Variants in TLCD1 observed in about 807,000 individuals in gnomAD.
TLCD1 encodes TLC domain containing 1.
Under a neutral mutation model 21.2 loss-of-function variants are expected in TLCD1, and 21 were observed. The observed-to-expected ratio is 0.99, with a 90% confidence interval of 0.70 to 1.42. The LOEUF is 1.42. Ranked by LOEUF, TLCD1 falls within the 40% of genes most tolerant of loss-of-function variation. TLCD1 has a pLI of 0.00. For missense variants in TLCD1, 344 were observed against 330.3 expected, an observed-to-expected ratio of 1.04 and a Z score of -0.32; for synonymous variants, 168 against 134.8, an observed-to-expected ratio of 1.25 and a Z score of -1.71.
chr17:28,726,281 C>T, upstream of TLCD1: 1 of 1,187,746 alleles, frequency 8.4e-7, no homozygotes, highest in African/African-American at 1.6e-5. Context: ...TGCCCCCGCC[C>T]CCAGCCGCCC....
chr17:28,726,347 G>C, upstream of TLCD1: 1 of 726,212 alleles, frequency 1.4e-6, no homozygotes, highest in Non-Finnish European at 1.7e-6. Context: ...CGCCCCTCAG[G>C]CGCTGCTGCC....
chr17:28,724,501 C>T lies in TLCD1; in HGVS notation c.*9G>A, dbSNP rs769162239. On this transcript the variant is annotated 3_prime_UTR_variant, in exon 4 of 4. Transcript: ENST00000292090. ...TTGTCCGTTTTTGTTGTCCCAGGCT[C>T]TGTGCCCCTCACTCAGTCAAGAACT... The T allele has an allele frequency of 2.4e-5, 38 of 1,611,196 alleles. No homozygotes were observed. Among genetic ancestry groups the T allele is most frequent in the Non-Finnish European group, 5.9e-6 (7 of 1,177,842 alleles).
chr17:28,724,458 A>G lies in TLCD1; in HGVS notation c.*52T>C, dbSNP rs2151726204. ...CTTGGGGCTAAGTCCCAGTGTCCATATGAAGCTGTTTCTGGCCTTGTCCGT... is the reference window on the plus strand; with the variant it reads ...CTTGGGGCTAAGTCCCAGTGTCCATGTGAAGCTGTTTCTGGCCTTGTCCGT... On this transcript the variant is annotated 3_prime_UTR_variant, in exon 4 of 4. Coordinates refer to ENST00000292090, the MANE Select transcript of TLCD1 (RefSeq NM_138463.4). 6.3e-7 allele frequency: 1 copy of G among 1,583,420 alleles called. No homozygotes were observed. Among genetic ancestry groups the G allele is most frequent in the Non-Finnish European group, 8.6e-7 (1 of 1,164,102 alleles).
intron 3 of TLCD1, among the ~76,000 whole-genome samples, chr17:28,725,102 C>G (rs2034195806): frequency 6.6e-6 from 1 of 152,110 alleles, no homozygotes; most frequent in South Asian, 2.1e-4. Flanking sequence ...GATGTTCAGT[C>G]TAAAGAGGCA....
At chr17:28,725,593 T>G in intron 1 of TLCD1, 30 bp from the exon 2 acceptor site, 1 of 1,609,138 alleles carries the variant, frequency 6.2e-7, no homozygotes, top group Non-Finnish European at 8.5e-7. Context: ...AGGCTCTGCA[T>G]TTCGGCACCC....
In TLCD1 at chr17:28,725,309, C is replaced by G; in HGVS notation, c.355G>C (p.Val119Leu). The change falls in exon 3 of 4, where the codon GTC becomes CTC. Residue 119 changes from valine (V) to leucine (L), a missense_variant. Coordinates refer to ENST00000292090, the MANE Select transcript of TLCD1 (RefSeq NM_138463.4). ...ATAGTCTGCTTCTCTCTTACCATGA[C>G]GTGATGGACAAGGTATTCCCAAGAG... Reference protein sequence around the residue: ...RASWEYLVHHVMAMGAFFSGI... With the variant: ...RASWEYLVHHLMAMGAFFSGI... The G allele has an allele frequency of 6.2e-7, 1 of 1,614,074 alleles. No homozygotes were observed. Among genetic ancestry groups the G allele is most frequent in the Non-Finnish European group, 8.5e-7 (1 of 1,179,972 alleles).
chr17:28,727,056 A>G (rs1307352400), upstream of TLCD1: 4 of 580,130 alleles, frequency 6.9e-6, no homozygotes, highest in African/African-American at 5.6e-5. Flanking sequence ...CGAGCGAGGC[A>G]GCTGCTTTCG....
intron 2 of TLCD1, 44 bp downstream of exon 2, chr17:28,725,437 C>T (rs1343458298): frequency 2.5e-6 from 4 of 1,613,954 alleles, no homozygotes; most frequent in Non-Finnish European, 3.4e-6. Flanking sequence ...CAGCTTCCTT[C>T]TCCCTGTCCC....
Position 28,724,398 on chromosome 17 carries a change from G to T in TLCD1, c.*112C>A. The stretch of plus-strand genomic sequence containing the variant: ...TTTCAATAGTGTGGGCGCAGGCTCA[G>T]AAGGTGGAGAGGCTGGCCTCAGAGG... On this transcript the variant is annotated 3_prime_UTR_variant, in exon 4 of 4. Transcript: ENST00000292090. 1.5e-6 allele frequency: 2 copies of T among 1,338,374 alleles called. No individual in the cohort carries two copies. Among genetic ancestry groups the T allele is most frequent in the Non-Finnish European group, 2.1e-6 (2 of 975,298 alleles). The allele number at this position is 1,338,374 out of a possible 1,614,324, so 82.9% of individuals were successfully genotyped here.
In TLCD1 at chr17:28,724,764, C is replaced by T. The variant is rs1486194261; in HGVS notation, c.490G>A (p.Asp164Asn). Residue 164 changes from aspartate to asparagine, a missense_variant, in exon 4 of 4, where the codon GAT (aspartate) becomes AAT (asparagine). Physicochemically the swap from Asp to Asn is conservative, Grantham distance 23. Transcript: ENST00000292090. Reference sequence around the variant, plus strand: ...TTGTTAACCCGGTAGAGGAGATGATCCTGGGCATTACTGATTTTCATCATC... The same window carrying T: ...TTGTTAACCCGGTAGAGGAGATGATTCTGGGCATTACTGATTTTCATCATC... ...RMMMKISNAQ[D>N]HLLYRVNKYV... 1.9e-6 allele frequency: 3 copies of T among 1,613,928 alleles called. No homozygotes were observed. The African/African-American group carries it at 4.0e-5, about 22-fold the overall frequency.
At chr17:28,726,268 C>T (rs539869845), upstream of TLCD1, 19 of 1,214,492 alleles carry the variant, frequency 1.6e-5, no homozygotes, top group East Asian at 5.9e-4. Context: ...CCTGCGAGGC[C>T]TCTGCCCCCG....
chr17:28,725,786 A>T, intron 1 of TLCD1, 118 bp downstream of exon 1: 1 of 1,353,688 alleles, frequency 7.4e-7, no homozygotes, highest in Non-Finnish European at 1.0e-6. Context: ...AAACGGGATC[A>T]GGTGAGACTG....
At chr17:28,727,646 G>A (rs2034253517), upstream of TLCD1, 1 of 150,322 alleles carries the variant, frequency 6.7e-6, no homozygotes, top group South Asian at 2.1e-4. Flanking sequence ...TTGAGATGGA[G>A]GCTCACTCTA....
At chr17:28,726,314 C>T, upstream of TLCD1, 1 of 987,056 alleles carries the variant, frequency 1.0e-6, no homozygotes, top group Non-Finnish European at 1.3e-6. Context: ...CGCCCGCCTG[C>T]CCCCGCCCCG....
At chr17:28,725,855 C>T (rs774535210) in intron 1 of TLCD1, 49 bp downstream of exon 1, 55 of 1,588,414 alleles carry the variant, frequency 3.5e-5, no homozygotes, top group East Asian at 3.4e-4. Flanking sequence ...GGCCCCGGCT[C>T]CCCGCTCAGG....
chr17:28,726,112 C>T lies in TLCD1; in HGVS notation c.-15G>A. 1 of 1,428,814 alleles carries T rather than the reference C, an allele frequency of 7.0e-7. No individual in the cohort carries two copies. Among genetic ancestry groups the T allele is most frequent in the Non-Finnish European group, 9.1e-7 (1 of 1,102,586 alleles). 88.5% of individuals were successfully genotyped at this position (1,428,814 alleles called of 1,614,324 possible). On this transcript the variant is annotated 5_prime_UTR_variant, in exon 1 of 4. Coordinates refer to ENST00000292090, the MANE Select transcript of TLCD1 (RefSeq NM_138463.4). ...AGTCGGGGCATGCTGGCCCTCCCTGCCGTCCGCCCTCGAGGCCGCCTCCTA... is the reference window on the plus strand; with the variant it reads ...AGTCGGGGCATGCTGGCCCTCCCTGTCGTCCGCCCTCGAGGCCGCCTCCTA...
chr17:28,727,078 G>A (rs900256741), upstream of TLCD1: 5 of 557,970 alleles, frequency 9.0e-6, no homozygotes, highest in African/African-American at 5.6e-5. Flanking sequence ...GGAGAGTTTA[G>A]GTATAAACTC....
At chr17:28,727,398 C>A (rs1164498842), upstream of TLCD1, 2 of 154,414 alleles carry the variant, frequency 1.3e-5, no homozygotes, top group East Asian at 3.8e-4. Flanking sequence ...TCCCGCCCCT[C>A]CCCTTGGCTC....
Position 28,725,979 on chromosome 17 carries a change from AG to A in TLCD1, c.118del (p.Leu40CysfsTer34). 2 of 1,612,164 alleles carry A rather than the reference AG, an allele frequency of 1.2e-6. No individual in the cohort carries two copies. The highest frequency in any genetic ancestry group is 1.7e-6 in the Non-Finnish European group (2 of 1,179,610). Reference protein sequence around the residue: ...PLPVHVRADPLRTWRWHNLLV... With the variant: ...PLPVHVRADPXRTWRWHNLLV... Reference sequence around the variant, plus strand: ...CAGGTTGTGCCAGCGCCAGGTGCGCAGGGGGTCGGCGCGCACGTGCACGGGT... The same window carrying A: ...CAGGTTGTGCCAGCGCCAGGTGCGCAGGGGTCGGCGCGCACGTGCACGGGT... On this transcript the variant is annotated frameshift_variant, in exon 1 of 4. Transcript: ENST00000292090. LOFTEE classifies it high-confidence loss of function.
Sources: allele counts gnomAD v4.1 joint callset (sites outside exome capture counted in the v4.1 genomes callset), GRCh38; gene constraint gnomAD v4.1.1; transcripts MANE v1.5; gene names NCBI Gene and HGNC (gene_info 2026-07-23, HGNC 2026-07-21).